USP50: variants seen among roughly 807,000 people sequenced by gnomAD.
The protein encoded by USP50 is ubiquitin carboxyl-terminal hydrolase 50.
A neutral mutation model predicts 39.2 loss-of-function variants in USP50; 37 were observed. That is an observed-to-expected ratio of 0.94 (90% CI 0.73 to 1.24). The LOEUF is 1.24. USP50 is among the 50% of genes most tolerant of loss of function. USP50 has a pLI of 0.00. For missense variants in USP50, 374 were observed against 398.2 expected, an observed-to-expected ratio of 0.94 and a Z score of 0.52; for synonymous variants, 139 against 144.5, an observed-to-expected ratio of 0.96 and a Z score of 0.27.
intron 5 of USP50, among the ~76,000 whole-genome samples, chr15:50,531,318 C>T (rs899781166): frequency 2.6e-5 from 4 of 152,158 alleles, no homozygotes; most frequent in Non-Finnish European, 5.9e-5. Context: ...ACAACCCAAA[C>T]GTCCATCAAC....
chr15:50,530,267 A>T (rs1387013547), intron 5 of USP50, among the ~76,000 whole-genome samples: 1 of 151,978 alleles, frequency 6.6e-6, no homozygotes, highest in Non-Finnish European at 1.5e-5. Flanking sequence ...TGGGTGACAG[A>T]GTGAGACCCT....
intron 6 of USP50, among the ~76,000 whole-genome samples, chr15:50,524,798 T>C (rs2052875722): frequency 1.3e-5 from 2 of 152,102 alleles, no homozygotes; most frequent in Non-Finnish European, 2.9e-5. Flanking sequence ...CGCTTGAGCC[T>C]GGGAGTTCAA....
chr15:50,503,299 C>T (rs527333201), intron 6 of USP50: 1 of 152,442 alleles, frequency 6.6e-6, no homozygotes, highest in African/African-American at 2.4e-5. Flanking sequence ...GAGCTGAGAT[C>T]ATGCCATTGC....
intron 6 of USP50, chr15:50,505,874 T>C (rs2052651109): frequency 6.6e-6 from 1 of 152,290 alleles, no homozygotes; most frequent in Admixed American, 6.5e-5. Context: ...GGAGGATCCC[T>C]TAAGCCCAGA....
At chr15:50,527,233 C>G (rs1200038653) in intron 6 of USP50, among the ~76,000 whole-genome samples, 1 of 151,992 alleles carries the variant, frequency 6.6e-6, no homozygotes, top group African/African-American at 2.4e-5. Context: ...GAGACGGAGT[C>G]TCGTTCTGTC....
chr15:50,514,618 G>A (rs2052784963), intron 6 of USP50, among the ~76,000 whole-genome samples: 1 of 151,868 alleles, frequency 6.6e-6, no homozygotes, highest in Non-Finnish European at 1.5e-5. Context: ...TGCAACCTCC[G>A]CCTCCTGGGT....
chr15:50,546,641 CCT>C lies in USP50; in HGVS notation c.-118_-117del. 9.1e-7 allele frequency: 1 copy of C among 1,100,174 alleles called. No homozygotes were observed. Among genetic ancestry groups the C allele is most frequent in the Non-Finnish European group, 1.4e-6 (1 of 735,492 alleles). The allele number at this position is 1,100,174 out of a possible 1,614,324, so 68.2% of individuals were successfully genotyped here. On this transcript the variant is annotated 5_prime_UTR_variant, in exon 1 of 7. Transcript: ENST00000532404. ...TTTTGTTTTAAACAATTGATATGCT[CCT>C]CTCTCTTCCAGTAGCTGCGAACTGA...
chr15:50,544,511 C>T, intron 2 of USP50, 76 bp downstream of exon 2: 1 of 1,393,790 alleles, frequency 7.2e-7, no homozygotes, highest in Non-Finnish European at 9.8e-7. Context: ...ATAGGGATTC[C>T]AGAGTTCCTT....
downstream of USP50, among the ~76,000 whole-genome samples, chr15:50,496,494 A>AAC: frequency 6.6e-6 from 1 of 152,098 alleles, no homozygotes; most frequent in South Asian, 2.1e-4. Flanking sequence ...AAAAAAAAAA[A>AAC]AAAAAACCTT....
intron 6 of USP50, among the ~76,000 whole-genome samples, chr15:50,519,650 G>A (rs1285856628): frequency 6.6e-6 from 1 of 151,950 alleles, no homozygotes; most frequent in Non-Finnish European, 1.5e-5. Context: ...GGGAGGCGGA[G>A]CTTGCAGTGA....
intron 1 of USP50, chr15:50,494,232 A>G (rs751428887): frequency 6.2e-7 from 1 of 1,613,224 alleles, no homozygotes; most frequent in Admixed American, 1.7e-5. Flanking sequence ...AAGATTCACA[A>G]GAATTGCTTC....
chr15:50,510,828 G>C (rs959033310), intron 6 of USP50: 2 of 151,948 alleles, frequency 1.3e-5, no homozygotes, highest in African/African-American at 4.8e-5. Context: ...CCAGGCTGGA[G>C]TGCAGTGGCG....
At chr15:50,520,599 C>T (rs1057366457) in intron 6 of USP50, among the ~76,000 whole-genome samples, 3 of 151,928 alleles carry the variant, frequency 2.0e-5, no homozygotes, top group African/African-American at 7.2e-5. Context: ...TGCAACTGGC[C>T]GACTCTGTCT....
intron 3 of USP50, among the ~76,000 whole-genome samples, chr15:50,543,222 G>A (rs1405247356): frequency 6.6e-6 from 1 of 152,166 alleles, no homozygotes; most frequent in Non-Finnish European, 1.5e-5. Context: ...TTCTCATGAG[G>A]AATATATTTT....
chr15:50,496,696 C>T (rs2052426504), downstream of USP50, among the ~76,000 whole-genome samples: 1 of 152,116 alleles, frequency 6.6e-6, no homozygotes, highest in Non-Finnish European at 1.5e-5. Flanking sequence ...GCCTACTTTT[C>T]ATAAGCATTT....
chr15:50,495,755 A>G, downstream of USP50: 3 of 1,027,944 alleles, frequency 2.9e-6, no homozygotes, highest in South Asian at 3.4e-5. Context: ...AGGTGTTTCT[A>G]AATCTGGCAA....
chr15:50,531,701 G>T (rs1038433075), intron 5 of USP50, among the ~76,000 whole-genome samples: 1 of 152,058 alleles, frequency 6.6e-6, no homozygotes, highest in Admixed American at 6.6e-5. Flanking sequence ...AAACTAATGG[G>T]GCCCCAGGAG....
rs1467059538 is a variant in USP50 at position 50,541,133 on chromosome 15, T to TA, written c.575dup (p.Leu192PhefsTer4). The TA allele has an allele frequency of 3.7e-6, 6 of 1,613,802 alleles. No homozygotes were observed. The highest frequency in any genetic ancestry group is 5.1e-6 in the Non-Finnish European group (6 of 1,179,888). On this transcript the variant is annotated frameshift_variant, in exon 4 of 7. Coordinates refer to ENST00000532404, the MANE Select transcript of USP50 (RefSeq NM_203494.5). LOFTEE classifies it high-confidence loss of function. ...TCTTGTAGGTGCATTTCTCACACTT[T>TA]AAACATACGATGCTATAATTGAGCT...
chr15:50,544,022 G>T, intron 2 of USP50: 1 of 527,294 alleles, frequency 1.9e-6, no homozygotes, highest in East Asian at 3.4e-5. Flanking sequence ...GACAGAACAA[G>T]ACTGTCTAAA....
Sources: allele counts gnomAD v4.1 joint callset (sites outside exome capture counted in the v4.1 genomes callset), GRCh38; gene constraint gnomAD v4.1.1; transcripts MANE v1.5; gene names NCBI Gene and HGNC (gene_info 2026-07-23, HGNC 2026-07-21).